GPC1: variants seen among roughly 807,000 people sequenced by gnomAD.
The protein encoded by GPC1 is glypican-1.
In GPC1, 26 loss-of-function variants were observed where a neutral mutation model predicts 51.5. That is an observed-to-expected ratio of 0.50 (90% CI 0.37 to 0.70). The LOEUF (loss-of-function observed/expected upper bound fraction) is 0.70. Ranked by LOEUF, GPC1 falls within the 30% of genes least tolerant of loss-of-function variation. The pLI is 0.00. For missense variants in GPC1, 775 were observed against 800.5 expected (o/e 0.97, Z 0.38); for synonymous variants, 380 against 348.3 (o/e 1.09, Z -1.01).
intron 1 of GPC1, among the ~76,000 whole-genome samples, chr2:240,445,309 C>T (rs2074042207): frequency 6.6e-6 from 1 of 152,128 alleles, no homozygotes; most frequent in Non-Finnish European, 1.5e-5. Context: ...TAGGGTGGCT[C>T]CCAAGCGGGA....
chr2:240,438,291 C>T (rs1574753698), intron 1 of GPC1, among the ~76,000 whole-genome samples: 1 of 152,170 alleles, frequency 6.6e-6, no homozygotes, highest in Admixed American at 6.5e-5. Context: ...GAGTAACCTT[C>T]GGGACCCAGG....
At chr2:240,447,773 G>A (rs1450199671) in intron 1 of GPC1, among the ~76,000 whole-genome samples, 2 of 152,160 alleles carry the variant, frequency 1.3e-5, no homozygotes, top group East Asian at 1.9e-4. Context: ...TGTCATGTCA[G>A]GGAGGCCTAT....
chr2:240,455,623 A>T (rs2074151753), intron 1 of GPC1, among the ~76,000 whole-genome samples: 1 of 152,070 alleles, frequency 6.6e-6, no homozygotes, highest in Non-Finnish European at 1.5e-5. Flanking sequence ...TGTTGAGCTG[A>T]GAGAAGTGGT....
chr2:240,442,995 C>T (rs2074027902), intron 1 of GPC1, among the ~76,000 whole-genome samples: 1 of 152,286 alleles, frequency 6.6e-6, no homozygotes, highest in African/African-American at 2.4e-5. Flanking sequence ...GCGTCAGGCC[C>T]TGCACAGCTA....
At chr2:240,444,349 G>A (rs1398464434) in intron 1 of GPC1, among the ~76,000 whole-genome samples, 1 of 152,222 alleles carries the variant, frequency 6.6e-6, no homozygotes, top group East Asian at 1.9e-4. Flanking sequence ...GTTCTACTGA[G>A]AAACTTGGCT....
intron 1 of GPC1, chr2:240,453,044 C>T: frequency 2.9e-6 from 1 of 342,012 alleles, no homozygotes; most frequent in Non-Finnish European, 5.7e-6. Context: ...CGCCGCCGCG[C>T]TGGAAGCCAG....
chr2:240,453,314 A>G (rs183552812), intron 1 of GPC1, among the ~76,000 whole-genome samples: 1 of 1,078 alleles, frequency 9.3e-4, no homozygotes. Flanking sequence ...CCCCGCTCCC[A>G]CCGCCCGCCC....
At chr2:240,459,610 G>C (rs1172944120) in intron 2 of GPC1, among the ~76,000 whole-genome samples, 1 of 152,196 alleles carries the variant, frequency 6.6e-6, no homozygotes, top group Non-Finnish European at 1.5e-5. Context: ...CTCAGTGCAA[G>C]GGCTGAGACT....
chr2:240,456,028 C>T, intron 1 of GPC1: 1 of 428,516 alleles, frequency 2.3e-6, no homozygotes, highest in Non-Finnish European at 4.8e-6. Context: ...GGCTCCGTGT[C>T]TTCACTCCCG....
chr2:240,454,921 G>A, intron 1 of GPC1: 1 of 220,742 alleles, frequency 4.5e-6, no homozygotes. Context: ...TGTCAGGATG[G>A]GAGTCTCGCC....
At chr2:240,452,861 C>A in intron 1 of GPC1, 1 of 215,882 alleles carries the variant, frequency 4.6e-6, no homozygotes, top group Non-Finnish European at 9.3e-6. Flanking sequence ...CCAGAGTCTC[C>A]CGCGCGCCCG....
intron 1 of GPC1, among the ~76,000 whole-genome samples, chr2:240,439,859 A>C (rs1164246039): frequency 6.6e-6 from 1 of 152,078 alleles, no homozygotes; most frequent in Non-Finnish European, 1.5e-5. Flanking sequence ...CCATGAGAGG[A>C]GCTCATCATC....
At chr2:240,454,791 G>A (rs1222170167) in intron 1 of GPC1, 1 of 156,282 alleles carries the variant, frequency 6.4e-6, no homozygotes, top group East Asian at 1.9e-4. Flanking sequence ...TGGGCGTGGC[G>A]TGGCGCCATC....
chr2:240,464,548 C>T (rs12695021), intron 4 of GPC1, 68 bp from the exon 5 acceptor site: 51 of 290,734 alleles, frequency 1.8e-4, no homozygotes, highest in East Asian at 9.4e-4. Context: ...GTGACGCCTG[C>T]GTGTGCGTGT....
chr2:240,453,566 G>A (rs538067108), intron 1 of GPC1, among the ~76,000 whole-genome samples: 7 of 79,264 alleles, frequency 8.8e-5, no homozygotes, highest in South Asian at 5.2e-4. Flanking sequence ...CGTGCCTGCC[G>A]CACCCGCTGC....
At position 240,436,023 on chromosome 2, in the gene GPC1, C is replaced by T. The variant is rs753374550; in HGVS notation, c.105C>T (p.Val35=). The T allele has an allele frequency of 5.0e-6, 7 of 1,386,770 alleles. No individual in the cohort carries two copies. The highest frequency in any genetic ancestry group is 1.5e-5 in the African/African-American group (1 of 67,350). The allele number at this position is 1,386,770 out of a possible 1,614,324, so 85.9% of individuals were successfully genotyped here. ...PASKSRSCGE[V]RQIYGAKGFS... The stretch of plus-strand genomic sequence containing the variant: ...GCAAGAGCCGGAGCTGCGGCGAGGT[C>T]CGCCAGATCTACGGAGCCAAGGGCT... The change falls in exon 1 of 9, where the codon GTC becomes GTT. Residue 35 remains valine, a synonymous_variant. Coordinates refer to ENST00000264039, the MANE Select transcript of GPC1 (RefSeq NM_002081.3).
intron 3 of GPC1, 140 bp from the exon 4 acceptor site, chr2:240,463,207 G>T: frequency 1.5e-6 from 1 of 666,886 alleles, no homozygotes; most frequent in South Asian, 1.9e-5. Context: ...GTCAGGCAGC[G>T]ACCACCACGA....
chr2:240,458,999 C>T, intron 1 of GPC1, 31 bp from the exon 2 acceptor site: 1 of 1,605,208 alleles, frequency 6.2e-7, no homozygotes, highest in South Asian at 1.1e-5. Flanking sequence ...CTGTCCCAGC[C>T]CCTCTCCCTC....
At chr2:240,452,900 C>T (rs767953865) in intron 1 of GPC1, 7 of 269,088 alleles carry the variant, frequency 2.6e-5, no homozygotes, top group South Asian at 1.9e-4. Flanking sequence ...TCGTCCCCCG[C>T]TGGCTTTTCG....
Sources: allele counts gnomAD v4.1 joint callset (sites outside exome capture counted in the v4.1 genomes callset), GRCh38; gene constraint gnomAD v4.1.1; transcripts MANE v1.5; gene names NCBI Gene and HGNC (gene_info 2026-07-23, HGNC 2026-07-21).